The following PLEKHM3 variants were observed in gnomAD, a reference collection of about 807,000 sequenced individuals.
PLEKHM3 encodes the protein pleckstrin homology domain-containing family M member 3.
A neutral mutation model predicts 81.8 loss-of-function variants in PLEKHM3; 45 were observed. That is an observed-to-expected ratio of 0.55 (90% CI 0.43 to 0.71). The LOEUF (loss-of-function observed/expected upper bound fraction) is 0.71, where lower values mean the gene tolerates loss of function less well. Ranked by LOEUF, PLEKHM3 falls within the 30% of genes least tolerant of loss-of-function variation. PLEKHM3 has a pLI of 0.00. For synonymous variants in PLEKHM3, 352 were observed against 356.4 expected, an observed-to-expected ratio of 0.99 and a Z score of 0.14; for missense variants, 788 against 924.3, an observed-to-expected ratio of 0.85 and a Z score of 1.91.
chr2:207,926,617 C>A (rs1376374332), intron 5 of PLEKHM3, among the ~76,000 whole-genome samples: 3 of 152,176 alleles, frequency 2.0e-5, no homozygotes, highest in Non-Finnish European at 2.9e-5. Flanking sequence ...GTTAACTAGA[C>A]CTTGAACTAA....
At chr2:207,852,146 G>A (rs151104078) in intron 7 of PLEKHM3, among the ~76,000 whole-genome samples, 2 of 152,252 alleles carry the variant, frequency 1.3e-5, no homozygotes, top group African/African-American at 2.4e-5. Context: ...TGATTTTAGG[G>A]GGTATATGGC....
intron 6 of PLEKHM3, among the ~76,000 whole-genome samples, chr2:207,883,343 C>G (rs1459990873): frequency 6.6e-6 from 1 of 152,196 alleles, no homozygotes; most frequent in Non-Finnish European, 1.5e-5. Flanking sequence ...TTCTTCTTCT[C>G]AAGCCCCTGC....
intron 6 of PLEKHM3, among the ~76,000 whole-genome samples, chr2:207,906,122 C>A (rs1688595416): frequency 1.3e-5 from 2 of 152,240 alleles, no homozygotes; most frequent in South Asian, 4.2e-4. Context: ...ACTTTGGAGC[C>A]CACCCATTGT....
intron 2 of PLEKHM3, among the ~76,000 whole-genome samples, chr2:207,990,966 G>A (rs912214358): frequency 6.6e-6 from 1 of 152,148 alleles, no homozygotes; most frequent in Admixed American, 6.6e-5. Flanking sequence ...CCAGTTTAGG[G>A]ATCTCTTCCA....
intron 3 of PLEKHM3, among the ~76,000 whole-genome samples, chr2:207,952,074 A>G (rs1433341232): frequency 6.6e-6 from 1 of 152,208 alleles, no homozygotes; most frequent in Non-Finnish European, 1.5e-5. Flanking sequence ...AGTCTTTTGC[A>G]TTTAGAAGGT....
chr2:207,896,439 C>A (rs771941475), intron 6 of PLEKHM3, among the ~76,000 whole-genome samples: 1 of 152,060 alleles, frequency 6.6e-6, no homozygotes. Flanking sequence ...GTTAAAAATC[C>A]ATTTTTTAAA....
chr2:207,852,133 A>G (rs929347499), intron 7 of PLEKHM3, among the ~76,000 whole-genome samples: 1 of 152,136 alleles, frequency 6.6e-6, no homozygotes, highest in Non-Finnish European at 1.5e-5. Context: ...AATTTTTTCA[A>G]ATTGATTTTA....
chr2:207,977,998 G>A (rs1691378522), intron 2 of PLEKHM3, among the ~76,000 whole-genome samples: 1 of 152,100 alleles, frequency 6.6e-6, no homozygotes, highest in South Asian at 2.1e-4. Context: ...GAGGTAGGAG[G>A]ATCACTTCAG....
chr2:207,915,211 G>A (rs1222048295), intron 5 of PLEKHM3, among the ~76,000 whole-genome samples: 1 of 152,188 alleles, frequency 6.6e-6, no homozygotes, highest in Non-Finnish European at 1.5e-5. Context: ...TGAGAAAGGT[G>A]AGAAAAGATG....
chr2:208,015,193 G>T (rs901043705), intron 1 of PLEKHM3, among the ~76,000 whole-genome samples: 4 of 152,094 alleles, frequency 2.6e-5, no homozygotes, highest in Non-Finnish European at 5.9e-5. Context: ...AGGAAACTGA[G>T]ATTTAAAAAG....
chr2:207,950,277 C>T (rs1690285951), intron 3 of PLEKHM3, among the ~76,000 whole-genome samples: 1 of 152,206 alleles, frequency 6.6e-6, no homozygotes, highest in Non-Finnish European at 1.5e-5. Flanking sequence ...ATGCTCAGAA[C>T]TACTTTAGGC....
intron 7 of PLEKHM3, among the ~76,000 whole-genome samples, chr2:207,839,308 T>A (rs1261363598): frequency 2.0e-5 from 3 of 152,068 alleles, no homozygotes; most frequent in African/African-American, 2.4e-5. Context: ...AAAATGCACA[T>A]TAATGTACAT....
chr2:207,914,375 G>A (rs551961298), intron 5 of PLEKHM3, among the ~76,000 whole-genome samples: 1 of 152,088 alleles, frequency 6.6e-6, no homozygotes, highest in African/African-American at 2.4e-5. Context: ...GCGCATGCCC[G>A]TGATCCCAGC....
Position 207,914,598 on chromosome 2 carries a change from A to G in PLEKHM3, c.1887-6021T>C, listed in dbSNP as rs1373595109. ...TCAAGAGGCTGCAGCAGGAGGATCA[A>G]TTGAGCCCAGGAGGTTGAGGCTGCA... On this transcript the variant is annotated intron_variant, in intron 5 of 7. Coordinates refer to ENST00000427836, the MANE Select transcript of PLEKHM3 (RefSeq NM_001080475.3). 2.0e-5 allele frequency among the ~76,000 whole-genome samples: 3 copies of G among 151,662 alleles called. No homozygotes were observed. The East Asian group carries it at 5.8e-4, about 29-fold the overall frequency.
intron 2 of PLEKHM3, among the ~76,000 whole-genome samples, chr2:207,981,073 A>G (rs1691506065): frequency 6.6e-6 from 1 of 151,178 alleles, no homozygotes; most frequent in African/African-American, 2.4e-5. Context: ...GGTTACAGTG[A>G]GCCGAGATTA....
intron 3 of PLEKHM3, among the ~76,000 whole-genome samples, chr2:207,948,448 C>T (rs934374527): frequency 6.7e-6 from 1 of 148,614 alleles, no homozygotes; most frequent in Admixed American, 6.9e-5. Flanking sequence ...CTCCACCTTC[C>T]GGGTTCAAGC....
At chr2:207,853,321 G>A (rs1185010417) in intron 7 of PLEKHM3, among the ~76,000 whole-genome samples, 2 of 151,832 alleles carry the variant, frequency 1.3e-5, no homozygotes, top group Non-Finnish European at 2.9e-5. Context: ...GGAGGCTGAG[G>A]CAGGAGAATC....
chr2:207,973,828 G>A (rs1691208975), intron 3 of PLEKHM3, among the ~76,000 whole-genome samples: 1 of 151,938 alleles, frequency 6.6e-6, no homozygotes, highest in Admixed American at 6.6e-5. Flanking sequence ...CAAAGCAACT[G>A]AATGCAGCAC....
At chr2:207,872,026 C>T (rs1033123496) in intron 6 of PLEKHM3, among the ~76,000 whole-genome samples, 4 of 152,106 alleles carry the variant, frequency 2.6e-5, no homozygotes, top group African/African-American at 7.2e-5. Context: ...AACTCACCTT[C>T]GTTACTTAAT....
Sources: gnomAD v4.1 joint callset for allele counts (sites outside exome capture counted in the v4.1 genomes callset) on GRCh38, gnomAD v4.1.1 for gene constraint, MANE v1.5 for transcripts, NCBI Gene and HGNC (gene_info 2026-07-23, HGNC 2026-07-21) for gene names.